APBB2: variants seen among roughly 807,000 people sequenced by gnomAD.
APBB2 encodes amyloid beta precursor protein binding family B member 2.
Under a neutral mutation model 82.5 loss-of-function variants are expected in APBB2, and 38 were observed. That is an observed-to-expected ratio of 0.46 (90% CI 0.36 to 0.60). The LOEUF (loss-of-function observed/expected upper bound fraction) is 0.60. Ranked by LOEUF, APBB2 falls within the 20% of genes least tolerant of loss-of-function variation. The pLI, the probability that APBB2 is intolerant of heterozygous loss-of-function variation, is 0.00. For synonymous variants in APBB2, 341 were observed against 368.2 expected (o/e 0.93, Z 0.85); for missense variants, 772 against 972.3 (o/e 0.79, Z 2.74).
At chr4:40,965,603 A>G (rs1008680991) in intron 6 of APBB2, among the ~76,000 whole-genome samples, 2 of 152,050 alleles carry the variant, frequency 1.3e-5, no homozygotes, top group Admixed American at 6.6e-5. Flanking sequence ...TGTCAAAATG[A>G]TATTTTTTAT....
intron 4 of APBB2, among the ~76,000 whole-genome samples, chr4:41,062,665 T>C (rs978055586): frequency 2.0e-5 from 3 of 152,010 alleles, no homozygotes; most frequent in Non-Finnish European, 2.9e-5. Context: ...TCAGGCAATG[T>C]GTTATGCAGA....
chr4:40,860,577 T>G (rs1762519981), intron 12 of APBB2, among the ~76,000 whole-genome samples: 1 of 152,188 alleles, frequency 6.6e-6, no homozygotes, highest in Admixed American at 6.5e-5. Context: ...ATCCTTTCCC[T>G]GTGACAAACC....
intron 6 of APBB2, among the ~76,000 whole-genome samples, chr4:40,946,391 A>C (rs1251995260): frequency 6.6e-6 from 1 of 152,176 alleles, no homozygotes; most frequent in Non-Finnish European, 1.5e-5. Context: ...AAAATGGGCA[A>C]GCACCTGCAA....
At chr4:41,025,275 T>C (rs974927789) in intron 5 of APBB2, among the ~76,000 whole-genome samples, 2 of 151,978 alleles carry the variant, frequency 1.3e-5, no homozygotes, top group African/African-American at 4.8e-5. Context: ...AAGAAGCATA[T>C]GAAAAAAAGC....
intron 12 of APBB2, among the ~76,000 whole-genome samples, chr4:40,841,772 A>G (rs893067584): frequency 6.6e-5 from 10 of 152,170 alleles, no homozygotes; most frequent in African/African-American, 1.9e-4. Context: ...ACTGCCTCCC[A>G]GGTTCAAGTG....
At chr4:41,206,564 T>C (rs1777988066) in intron 1 of APBB2, among the ~76,000 whole-genome samples, 1 of 152,254 alleles carries the variant, frequency 6.6e-6, no homozygotes, top group Admixed American at 6.5e-5. Flanking sequence ...CAAGAGGTTC[T>C]GATCAGATAA....
At chr4:40,844,381 G>A (rs771426347) in intron 12 of APBB2, among the ~76,000 whole-genome samples, 15 of 152,214 alleles carry the variant, frequency 9.9e-5, no homozygotes, top group African/African-American at 3.6e-4. Flanking sequence ...GGGACGACAC[G>A]TGTATGGGAG....
intron 7 of APBB2, among the ~76,000 whole-genome samples, chr4:40,942,862 A>G (rs1318304868): frequency 6.6e-6 from 1 of 152,164 alleles, no homozygotes; most frequent in African/African-American, 2.4e-5. Flanking sequence ...TCTTCCCAAG[A>G]CTTCTGCCCA....
rs1764620599 is a variant in APBB2, at chr4:41,159,981, GA to G, written c.-416-16840del. Among the ~76,000 whole-genome samples, 16 of 137,716 alleles carry G rather than the reference GA, an allele frequency of 1.2e-4. 3 individuals are homozygous for G. The South Asian group carries it at 3.5e-3, about 30-fold the overall frequency. 90.3% of individuals were successfully genotyped at this position (137,716 alleles called of 152,430 possible). On this transcript the variant is annotated intron_variant, in intron 1 of 17. Transcript: ENST00000508593. ...AGAAGGAGAAGAAGAAGAAGAAGAA[GA>G]AGAAGAAGAAGAAGAAGAAGAAGAA...
chr4:41,168,335 A>G (rs1273263244), intron 1 of APBB2, among the ~76,000 whole-genome samples: 4 of 152,048 alleles, frequency 2.6e-5, no homozygotes, highest in South Asian at 4.1e-4. Context: ...TTGACAGAAT[A>G]ATTTTGTCTG....
At chr4:40,887,756 A>ACC in intron 12 of APBB2, among the ~76,000 whole-genome samples, 1 of 152,108 alleles carries the variant, frequency 6.6e-6, no homozygotes, top group South Asian at 2.1e-4. Context: ...GCTATGTGGA[A>ACC]CCCTCCCATG....
intron 10 of APBB2, among the ~76,000 whole-genome samples, chr4:40,932,262 A>C (rs1273125187): frequency 1.3e-5 from 2 of 152,256 alleles, no homozygotes; most frequent in African/African-American, 4.8e-5. Flanking sequence ...ATCAAGTAGC[A>C]AAGCAAATTG....
At chr4:40,991,072 A>T (rs964710886) in intron 6 of APBB2, among the ~76,000 whole-genome samples, 4 of 142,532 alleles carry the variant, frequency 2.8e-5, no homozygotes, top group African/African-American at 1.0e-4. Flanking sequence ...GCAGTGGTGC[A>T]ATCTTGGCTC....
chr4:41,194,959 C>T, intron 1 of APBB2, among the ~76,000 whole-genome samples: 1 of 152,148 alleles, frequency 6.6e-6, no homozygotes, highest in Admixed American at 6.5e-5. Flanking sequence ...TCTGACCCAG[C>T]AGATCATACC....
intron 5 of APBB2, among the ~76,000 whole-genome samples, chr4:41,016,716 C>T (rs574513472): frequency 6.6e-6 from 1 of 151,752 alleles, no homozygotes; most frequent in South Asian, 2.1e-4. Flanking sequence ...ATCCCATTAC[C>T]CTATCAGGGG....
intron 4 of APBB2, among the ~76,000 whole-genome samples, chr4:41,042,121 G>T (rs1410508140): frequency 2.6e-5 from 4 of 152,104 alleles, no homozygotes; most frequent in Non-Finnish European, 4.4e-5. Flanking sequence ...CTCCTGAGTA[G>T]CTGGGACTAC....
chr4:40,836,231 T>C (rs1039577415), intron 12 of APBB2, among the ~76,000 whole-genome samples: 1 of 151,946 alleles, frequency 6.6e-6, no homozygotes, highest in African/African-American at 2.4e-5. Context: ...AATCCCAGCA[T>C]TTTGGGAGGC....
chr4:40,870,190 G>A (rs936368663), intron 12 of APBB2, among the ~76,000 whole-genome samples: 1 of 152,106 alleles, frequency 6.6e-6, no homozygotes, highest in African/African-American at 2.4e-5. Flanking sequence ...AAAAATAAAT[G>A]GGAGGAAATG....
At chr4:41,139,949 T>C (rs945938150) in intron 2 of APBB2, among the ~76,000 whole-genome samples, 1 of 152,208 alleles carries the variant, frequency 6.6e-6, no homozygotes, top group African/African-American at 2.4e-5. Flanking sequence ...AATTATAATA[T>C]ACCACACTAA....
Sources: allele counts gnomAD v4.1 joint callset (sites outside exome capture counted in the v4.1 genomes callset), GRCh38; gene constraint gnomAD v4.1.1; transcripts MANE v1.5; gene names NCBI Gene and HGNC (gene_info 2026-07-23, HGNC 2026-07-21).